The following HS3ST4 variants were observed in gnomAD, a reference collection of about 807,000 sequenced individuals.
HS3ST4 encodes heparan sulfate glucosamine 3-O-sulfotransferase 4.
In HS3ST4, 17 loss-of-function variants were observed where a neutral mutation model predicts 29.2. The ratio of observed to expected loss-of-function variants is 0.58; its 90% confidence interval spans 0.40 to 0.87. The LOEUF is 0.87. Ranked by LOEUF, HS3ST4 falls within the 40% of genes least tolerant of loss-of-function variation. The pLI is 0.00. For missense variants in HS3ST4, 627 were observed against 634.5 expected, an observed-to-expected ratio of 0.99 and a Z score of 0.13; for synonymous variants, 314 against 285.7, an observed-to-expected ratio of 1.10 and a Z score of -1.00.
At chr16:26,100,443 A>G (rs534122709) in intron 1 of HS3ST4, among the ~76,000 whole-genome samples, 7 of 152,280 alleles carry the variant, frequency 4.6e-5, no homozygotes, top group African/African-American at 9.6e-5. Context: ...TGCAAATGCT[A>G]TTTGGGGCCC....
intron 1 of HS3ST4, among the ~76,000 whole-genome samples, chr16:26,054,566 G>A (rs889172447): frequency 5.3e-5 from 8 of 152,190 alleles, no homozygotes; most frequent in East Asian, 1.9e-4. Context: ...CAATTGGTCC[G>A]AAAACCATTG....
chr16:25,932,797 A>G (rs8051402), intron 1 of HS3ST4, among the ~76,000 whole-genome samples: 87,529 of 151,852 alleles, frequency 0.58, 26,439 homozygotes, highest in African/African-American at 0.72. Context: ...CTTCCAGGCA[A>G]AGCAGCTCCT....
intron 1 of HS3ST4, among the ~76,000 whole-genome samples, chr16:25,870,672 G>C (rs527650053): frequency 6.6e-6 from 1 of 152,202 alleles, no homozygotes; most frequent in Non-Finnish European, 1.5e-5. Context: ...ATTAAGTAGA[G>C]ATGTTACATC....
At chr16:25,909,718 T>TTAA (rs1968216832) in intron 1 of HS3ST4, among the ~76,000 whole-genome samples, 1 of 152,236 alleles carries the variant, frequency 6.6e-6, no homozygotes, top group African/African-American at 2.4e-5. Context: ...CACTGCCAAC[T>TTAA]AGTCTTTATC....
Position 25,692,565 on chromosome 16 carries a change from TAC to T in HS3ST4, c.150_151del (p.Tyr50Ter). 6.9e-7 allele frequency: 1 copy of T among 1,449,302 alleles called. No homozygotes were observed. The highest frequency in any genetic ancestry group is 9.2e-7 in the Non-Finnish European group (1 of 1,092,154). The allele number at this position is 1,449,302 out of a possible 1,614,324, so 89.8% of individuals were successfully genotyped here. A position where few individuals can be genotyped will look rare whatever the true frequency, so the allele number is the denominator to read the frequency against. ...TLSLSVTYLC[Y>X]SLLGGSGSLQ... ...GTCCCTGTCTGTCACCTACCTGTGC[TAC>T]AGCCTCCTGGGCGGCTCGGGCTCCC... On this transcript the variant is annotated frameshift_variant, in exon 1 of 2. Transcript: ENST00000331351. LOFTEE classifies it high-confidence loss of function.
At chr16:25,807,997 G>C (rs941946893) in intron 1 of HS3ST4, among the ~76,000 whole-genome samples, 1 of 151,978 alleles carries the variant, frequency 6.6e-6, no homozygotes, top group Non-Finnish European at 1.5e-5. Context: ...TTTTAATATT[G>C]AGTTTTGAGA....
intron 1 of HS3ST4, among the ~76,000 whole-genome samples, chr16:26,089,251 A>T (rs1444080571): frequency 6.6e-6 from 1 of 152,236 alleles, no homozygotes; most frequent in East Asian, 1.9e-4. Context: ...AAACAGGACC[A>T]TCTGCATCTT....
intron 1 of HS3ST4, among the ~76,000 whole-genome samples, chr16:25,871,216 C>T (rs574746826): frequency 9.2e-5 from 14 of 152,230 alleles, no homozygotes; most frequent in Admixed American, 2.6e-4. Flanking sequence ...AGGTCTGACA[C>T]CTGCAAGAGA....
intron 1 of HS3ST4, among the ~76,000 whole-genome samples, chr16:25,810,974 G>C (rs1967036237): frequency 6.6e-6 from 1 of 152,184 alleles, no homozygotes; most frequent in Admixed American, 6.5e-5. Context: ...TGACCAAACA[G>C]ATAATGTATC....
rs73515377 is a variant in HS3ST4, at chr16:25,909,385, A to C, written c.734+216234A>C. ...TATATTTTTTGTGGACACAGGGTTTAGCCATGTTGTCCAGGCTGGTCTTGA... is the reference window on the plus strand; with the variant it reads ...TATATTTTTTGTGGACACAGGGTTTCGCCATGTTGTCCAGGCTGGTCTTGA... On this transcript the variant is annotated intron_variant, in intron 1 of 1. Transcript: ENST00000331351. Among the ~76,000 whole-genome samples, 355 of 152,144 alleles carry C rather than the reference A, an allele frequency of 2.3e-3. 2 individuals carry two copies. Among genetic ancestry groups the C allele is most frequent in the African/African-American group, 8.1e-3 (336 of 41,490 alleles).
At chr16:26,086,714 T>G (rs1252724496) in intron 1 of HS3ST4, among the ~76,000 whole-genome samples, 22 of 152,216 alleles carry the variant, frequency 1.4e-4, no homozygotes. Context: ...ACAAGAAATA[T>G]TTGATGAATA....
At chr16:25,805,434 A>C (rs1966980413) in intron 1 of HS3ST4, among the ~76,000 whole-genome samples, 1 of 152,192 alleles carries the variant, frequency 6.6e-6, no homozygotes, top group Non-Finnish European at 1.5e-5. Context: ...TATATTAGAA[A>C]GTCCTTGAGA....
chr16:25,721,312 G>T (rs1966492974), intron 1 of HS3ST4, among the ~76,000 whole-genome samples: 3 of 152,152 alleles, frequency 2.0e-5, no homozygotes, highest in Admixed American at 2.0e-4. Flanking sequence ...TAACCTTAGG[G>T]ATCCCAGGGA....
intron 1 of HS3ST4, among the ~76,000 whole-genome samples, chr16:25,819,102 C>T (rs541108806): frequency 9.2e-5 from 14 of 152,222 alleles, no homozygotes; most frequent in East Asian, 5.8e-4. Context: ...CTTTGCTGAT[C>T]GGACCACCAT....
intron 1 of HS3ST4, among the ~76,000 whole-genome samples, chr16:25,963,528 G>A (rs142623215): frequency 8.9e-4 from 135 of 152,294 alleles, no homozygotes; most frequent in African/African-American, 3.1e-3. Context: ...TTCCTGTCCT[G>A]TTTTCACTCT....
intron 1 of HS3ST4, among the ~76,000 whole-genome samples, chr16:25,723,885 G>A: frequency 6.6e-6 from 1 of 152,136 alleles, no homozygotes; most frequent in Non-Finnish European, 1.5e-5. Context: ...AGGCCGAGGA[G>A]GGTGGATCAC....
chr16:25,919,102 T>C (rs1238976731), intron 1 of HS3ST4, among the ~76,000 whole-genome samples: 1 of 152,224 alleles, frequency 6.6e-6, no homozygotes, highest in Non-Finnish European at 1.5e-5. Context: ...CATAGCTCAC[T>C]CTAGCCTCAA....
intron 1 of HS3ST4, among the ~76,000 whole-genome samples, chr16:25,875,162 T>A (rs976011633): frequency 6.6e-6 from 1 of 152,158 alleles, no homozygotes; most frequent in Non-Finnish European, 1.5e-5. Flanking sequence ...AACAACCAGA[T>A]AACCAAGACA....
chr16:25,834,043 G>T lies in HS3ST4; in HGVS notation c.734+140892G>T, dbSNP rs897199755. Among the ~76,000 whole-genome samples the T allele has an allele frequency of 5.3e-5, 8 of 152,192 alleles. 1 individual carries two copies. Among genetic ancestry groups the T allele is most frequent in the African/African-American group, 1.9e-4 (8 of 41,452 alleles). ...TTTGAAAAAAAAATGGCCAAGATTG[G>T]TTTTCGGGGTGCATGCGAAAATCAA... On this transcript the variant is annotated intron_variant, in intron 1 of 1. Coordinates refer to ENST00000331351, the MANE Select transcript of HS3ST4 (RefSeq NM_006040.3).
Sources: allele counts gnomAD v4.1 joint callset (sites outside exome capture counted in the v4.1 genomes callset), GRCh38; gene constraint gnomAD v4.1.1; transcripts MANE v1.5; gene names NCBI Gene and HGNC (gene_info 2026-07-23, HGNC 2026-07-21).